SEMA6D: variants seen among roughly 807,000 people sequenced by gnomAD.
SEMA6D encodes semaphorin 6D.
SEMA6D carries 35 observed loss-of-function variants against 106.6 expected under a neutral mutation model. That is an observed-to-expected ratio of 0.33 (90% CI 0.25 to 0.44). The LOEUF (loss-of-function observed/expected upper bound fraction) is 0.44. Among genes scored for constraint, SEMA6D ranks in the 20% least tolerant of loss-of-function variants. The probability of loss-of-function intolerance (pLI) is 1.00; values close to 1 mark genes in which losing one functional copy is unlikely to be tolerated. For missense variants in SEMA6D, 1,185 were observed against 1,345.9 expected (o/e 0.88, Z 1.87); for synonymous variants, 499 against 487.7 (o/e 1.02, Z -0.31).
chr15:47,430,103 AAAT>A (rs1356244790), intron 2 of SEMA6D, among the ~76,000 whole-genome samples: 1 of 152,110 alleles, frequency 6.6e-6, no homozygotes, highest in African/African-American at 2.4e-5. Flanking sequence ...GAGTGAGGGA[AAAT>A]AATAAAAATG....
chr15:47,452,043 C>T (rs2042210305), intron 2 of SEMA6D, among the ~76,000 whole-genome samples: 1 of 151,936 alleles, frequency 6.6e-6, no homozygotes, highest in African/African-American at 2.4e-5. Flanking sequence ...TTGTGTTGTT[C>T]ATACGTAGAC....
chr15:47,597,595 T>C (rs1313927212), intron 3 of SEMA6D, among the ~76,000 whole-genome samples: 1 of 151,940 alleles, frequency 6.6e-6, no homozygotes, highest in Non-Finnish European at 1.5e-5. Context: ...GACATTATGT[T>C]AAGTGAAATA....
intron 1 of SEMA6D, among the ~76,000 whole-genome samples, chr15:47,313,033 C>T (rs1263313221): frequency 6.6e-6 from 1 of 151,978 alleles, no homozygotes; most frequent in Non-Finnish European, 1.5e-5. Context: ...TTCCCATGTA[C>T]CCCCAGCCCC....
At chr15:47,601,053 T>C (rs970098967) in intron 4 of SEMA6D, among the ~76,000 whole-genome samples, 5 of 152,020 alleles carry the variant, frequency 3.3e-5, no homozygotes, top group African/African-American at 1.2e-4. Context: ...GCTATGAATA[T>C]TGCTTGACTA....
At position 47,772,521 on chromosome 15, in the gene SEMA6D, G is replaced by A. The variant is rs2082675996; in HGVS notation, c.*736G>A. The A allele has an allele frequency of 6.6e-6, 1 of 152,462 alleles. No homozygotes were observed. The highest frequency in any genetic ancestry group is 1.9e-4 in the East Asian group (1 of 5,190). The allele number at this position is 152,462 out of a possible 1,614,324, so 9.4% of individuals were successfully genotyped here. ...GAGTCCATTGGGTTCAGCTTTGAAA[G>A]AGGAATAGAATCGAGGCTCCTTTGA... On this transcript the variant is annotated 3_prime_UTR_variant, in exon 19 of 19. Transcript: ENST00000536845.
At chr15:47,430,522 G>A (rs2041488323) in intron 2 of SEMA6D, among the ~76,000 whole-genome samples, 1 of 151,988 alleles carries the variant, frequency 6.6e-6, no homozygotes, top group Non-Finnish European at 1.5e-5. Flanking sequence ...AGAAACATAG[G>A]CACAGAGACA....
chr15:47,644,572 G>A (rs2077546446), intron 4 of SEMA6D, among the ~76,000 whole-genome samples: 1 of 152,188 alleles, frequency 6.6e-6, no homozygotes, highest in Admixed American at 6.5e-5. Flanking sequence ...TTGGGGGCAG[G>A]TGCCCTTACA....
rs1481540569 is a variant in SEMA6D, at chr15:47,751,639, CT to C, written c.-54-8105del. Among the ~76,000 whole-genome samples, 4 of 152,148 alleles carry C rather than the reference CT, an allele frequency of 2.6e-5. No homozygotes were observed. The East Asian group carries it at 5.8e-4, about 22-fold the overall frequency. ...TGGAAGCCCCAGGGGCCCATCCCCC[CT>C]GGGTCTGCTGCCCTCTCTTGTTTGT... On this transcript the variant is annotated intron_variant, in intron 1 of 18. Transcript: ENST00000536845.
At chr15:47,282,615 A>T (rs1270091579) in intron 1 of SEMA6D, among the ~76,000 whole-genome samples, 2 of 152,108 alleles carry the variant, frequency 1.3e-5, no homozygotes, top group Non-Finnish European at 2.9e-5. Flanking sequence ...TAGTATTTTT[A>T]AAATGTCTGT....
chr15:47,366,690 A>T (rs969726649), intron 1 of SEMA6D, among the ~76,000 whole-genome samples: 10 of 152,160 alleles, frequency 6.6e-5, no homozygotes, highest in African/African-American at 2.4e-4. Flanking sequence ...CAGGAAGAGG[A>T]ATGTTTGTGT....
intron 4 of SEMA6D, chr15:47,605,489 T>G (rs1340425297): frequency 6.6e-6 from 1 of 152,196 alleles, no homozygotes; most frequent in Non-Finnish European, 1.5e-5. Flanking sequence ...TTCCCAGAGT[T>G]AGTGCAGACA....
At chr15:47,427,072 T>A (rs957923366) in intron 2 of SEMA6D, among the ~76,000 whole-genome samples, 1 of 152,258 alleles carries the variant, frequency 6.6e-6, no homozygotes, top group African/African-American at 2.4e-5. Context: ...TGCATTTTCT[T>A]TTGTGATTGT....
chr15:47,305,410 TC>T (rs1274412853), intron 1 of SEMA6D, among the ~76,000 whole-genome samples: 1 of 152,140 alleles, frequency 6.6e-6, no homozygotes, highest in African/African-American at 2.4e-5. Flanking sequence ...GAACCAAAGC[TC>T]CTTTGTGAAA....
intron 1 of SEMA6D, among the ~76,000 whole-genome samples, chr15:47,287,592 C>T (rs1595644632): frequency 6.6e-6 from 1 of 152,174 alleles, no homozygotes; most frequent in South Asian, 2.1e-4. Context: ...ACCTCAGAAT[C>T]AGCTCTGATC....
At chr15:47,235,682 C>A (rs2032494569) in intron 1 of SEMA6D, among the ~76,000 whole-genome samples, 1 of 152,022 alleles carries the variant, frequency 6.6e-6, no homozygotes, top group Non-Finnish European at 1.5e-5. Flanking sequence ...ATCTATGTAT[C>A]CACCTTTATG....
chr15:47,741,322 G>T (rs1234785418), intron 1 of SEMA6D, among the ~76,000 whole-genome samples: 4 of 152,176 alleles, frequency 2.6e-5, no homozygotes, highest in South Asian at 4.1e-4. Flanking sequence ...ATAATGCCTG[G>T]TGCTTTGTTA....
rs565043971 is a variant in SEMA6D, at chr15:47,569,356, G to T, written c.-86-31509G>T. Among the ~76,000 whole-genome samples, 202 of 152,196 alleles carry T rather than the reference G, an allele frequency of 1.3e-3. 3 individuals carry two copies. The highest frequency in any genetic ancestry group is 5.2e-3 in the South Asian group (25 of 4,826). On this transcript the variant is annotated intron_variant, in intron 3 of 19. Transcript: ENST00000558014. The stretch of plus-strand genomic sequence containing the variant: ...TCTAGAATCATGCAAGTTTCTAGGG[G>T]TCTTATAAAGCAAAACCTTTCAAGA...
intron 1 of SEMA6D, among the ~76,000 whole-genome samples, chr15:47,400,372 C>T (rs2040358652): frequency 6.6e-6 from 1 of 151,502 alleles, no homozygotes; most frequent in Non-Finnish European, 1.5e-5. Context: ...ACCTGTAGTC[C>T]CAGCTACTCT....
rs2082727193 is a variant in SEMA6D, at chr15:47,773,655, A to C, written c.*1870A>C. 6.6e-6 allele frequency: 1 copy of C among 152,582 alleles called. No homozygotes were observed. Among genetic ancestry groups the C allele is most frequent in the Non-Finnish European group, 1.5e-5 (1 of 68,020 alleles). The allele number at this position is 152,582 out of a possible 1,614,324, so 9.5% of individuals were successfully genotyped here. ...ACTGATACAGTTATTCTTTTTTTTA[A>C]AGAACATTGTTTTATAAAGAACGTG... On this transcript the variant is annotated 3_prime_UTR_variant, in exon 19 of 19. Coordinates refer to ENST00000536845, the MANE Select transcript of SEMA6D (RefSeq NM_001358351.3).
Sources: gnomAD v4.1 joint callset for allele counts (sites outside exome capture counted in the v4.1 genomes callset) on GRCh38, gnomAD v4.1.1 for gene constraint, MANE v1.5 for transcripts, NCBI Gene and HGNC (gene_info 2026-07-23, HGNC 2026-07-21) for gene names.